Variants in KCNAB1 observed in about 807,000 individuals in gnomAD.
KCNAB1 encodes the protein voltage-gated potassium channel subunit beta-1.
Under a neutral mutation model 64.6 loss-of-function variants are expected in KCNAB1, and 35 were observed. The ratio of observed to expected loss-of-function variants is 0.54; its 90% CI spans 0.41 to 0.72. The LOEUF is 0.72. Ranked by LOEUF, KCNAB1 falls within the 30% of genes least tolerant of loss-of-function variation. KCNAB1 has a pLI of 0.00. For missense variants in KCNAB1, 401 were observed against 512.9 expected (o/e 0.78, Z 2.11); for synonymous variants, 177 against 183.8 (o/e 0.96, Z 0.30).
chr3:156,420,751 C>T lies in KCNAB1; in HGVS notation c.276-865C>T, dbSNP rs189793720. ...CTGTCTCTGAGAATTTGTTTTTTTC[C>T]TCTATGCTAGTCAGAAGACAAAAAT... On this transcript the variant is annotated intron_variant, in intron 1 of 13. Transcript: ENST00000490337. Among the ~76,000 whole-genome samples, 703 of 152,160 alleles carry T rather than the reference C, an allele frequency of 4.6e-3. 9 individuals are homozygous for T. Among genetic ancestry groups the T allele is most frequent in the African/African-American group, 0.015 (630 of 41,504 alleles).
At chr3:156,492,701 A>T (rs1253496974) in intron 8 of KCNAB1, among the ~76,000 whole-genome samples, 1 of 152,114 alleles carries the variant, frequency 6.6e-6, no homozygotes, top group African/African-American at 2.4e-5. Context: ...ACAAAATATG[A>T]ACTTAACCCA....
intron 8 of KCNAB1, among the ~76,000 whole-genome samples, chr3:156,488,548 G>A (rs143986514): frequency 4.0e-4 from 61 of 152,246 alleles, no homozygotes; most frequent in African/African-American, 1.4e-3. Context: ...GGGGAAGGTA[G>A]AAGGAGACGA....
intron 1 of KCNAB1, among the ~76,000 whole-genome samples, chr3:156,186,143 A>G (rs558313695): frequency 3.3e-5 from 5 of 152,270 alleles, no homozygotes; most frequent in East Asian, 1.9e-4. Context: ...ATTCAAACGG[A>G]TGGTCCTTTT....
rs150458531 is a variant in KCNAB1, at chr3:156,528,039, T to C, written c.1082-3370T>C. Among the ~76,000 whole-genome samples, 593 of 152,266 alleles carry C rather than the reference T, an allele frequency of 3.9e-3. 2 individuals carry two copies. The highest frequency in any genetic ancestry group is 0.013 in the African/African-American group (557 of 41,548). On this transcript the variant is annotated intron_variant, in intron 12 of 13. Transcript: ENST00000490337. ...GTTCTCCTGTGCCCTACAGGCCCAT[T>C]AGGGGAATCAGCTGTTGGTGACCTC...
intron 1 of KCNAB1, among the ~76,000 whole-genome samples, chr3:156,406,730 A>T (rs1714272567): frequency 2.0e-5 from 3 of 152,164 alleles, no homozygotes; most frequent in African/African-American, 7.2e-5. Context: ...AAGAGAAAAG[A>T]GATAGAACCT....
At chr3:156,380,216 G>A (rs1712046885) in intron 1 of KCNAB1, among the ~76,000 whole-genome samples, 1 of 152,200 alleles carries the variant, frequency 6.6e-6, no homozygotes, top group South Asian at 2.1e-4. Flanking sequence ...TTGCCAGGAA[G>A]AGAGCAGAAA....
chr3:156,354,120 G>GTGTGTATA (rs372765461), intron 1 of KCNAB1, among the ~76,000 whole-genome samples: 10 of 132,558 alleles, frequency 7.5e-5, no homozygotes, highest in East Asian at 6.3e-4. Flanking sequence ...ATGTGTGTGT[G>GTGTGTATA]TATATATATA....
At chr3:156,474,961 T>C in intron 8 of KCNAB1, 141 bp downstream of exon 8, 1 of 672,454 alleles carries the variant, frequency 1.5e-6, no homozygotes, top group East Asian at 2.9e-5. Context: ...TGATGCCTTT[T>C]GGCCTCAGCG....
intron 1 of KCNAB1, among the ~76,000 whole-genome samples, chr3:156,126,671 A>G (rs1713673987): frequency 6.6e-6 from 1 of 152,202 alleles, no homozygotes; most frequent in African/African-American, 2.4e-5. Flanking sequence ...CTTGCCTGCG[A>G]GAAGCAGTTG....
chr3:156,406,515 C>G (rs1714258993), intron 1 of KCNAB1, among the ~76,000 whole-genome samples: 1 of 152,088 alleles, frequency 6.6e-6, no homozygotes, highest in Non-Finnish European at 1.5e-5. Context: ...GATTTTGGAG[C>G]TGGATCTTGA....
chr3:156,353,722 T>A (rs1221482868), intron 1 of KCNAB1, among the ~76,000 whole-genome samples: 1 of 152,170 alleles, frequency 6.6e-6, no homozygotes, highest in Non-Finnish European at 1.5e-5. Flanking sequence ...CATGGGCCTC[T>A]CTAGGGAGCA....
intron 1 of KCNAB1, among the ~76,000 whole-genome samples, chr3:156,376,649 A>G (rs1711697331): frequency 6.6e-6 from 1 of 152,210 alleles, no homozygotes; most frequent in African/African-American, 2.4e-5. Flanking sequence ...AAGGGTAAAA[A>G]AGAGGTAAGC....
chr3:156,228,958 G>A (rs1318176897), intron 1 of KCNAB1, among the ~76,000 whole-genome samples: 1 of 152,148 alleles, frequency 6.6e-6, no homozygotes. Context: ...CAGAGAGAAG[G>A]TGTTGTTCTA....
Position 156,403,523 on chromosome 3 carries a change from C to T in KCNAB1, c.276-18093C>T, listed in dbSNP as rs1399522652. ...GTTCTATTTTCCTTCTGATATAAGG[C>T]TCAATGACACATAGCTATTAATTAG... On this transcript the variant is annotated intron_variant, in intron 1 of 13. Coordinates refer to ENST00000490337, the MANE Select transcript of KCNAB1 (RefSeq NM_172160.3). 2.0e-5 allele frequency among the ~76,000 whole-genome samples: 3 copies of T among 152,296 alleles called. No individual in the cohort carries two copies. The East Asian group carries it at 5.8e-4, about 29-fold the overall frequency.
intron 1 of KCNAB1, among the ~76,000 whole-genome samples, chr3:156,278,010 A>G (rs1279766503): frequency 6.6e-6 from 1 of 152,196 alleles, no homozygotes; most frequent in Non-Finnish European, 1.5e-5. Flanking sequence ...GGCGTCTCCT[A>G]CATTAACTTT....
intron 1 of KCNAB1, among the ~76,000 whole-genome samples, chr3:156,364,298 G>T (rs7624837): frequency 0.016 from 2,403 of 152,338 alleles, 64 homozygotes; most frequent in African/African-American, 0.053. Flanking sequence ...AGGGTAAAGT[G>T]ATTAGTTCTA....
chr3:156,231,401 T>G (rs758853937), intron 1 of KCNAB1, among the ~76,000 whole-genome samples: 33 of 152,136 alleles, frequency 2.2e-4, no homozygotes, highest in Non-Finnish European at 2.9e-4. Flanking sequence ...TATATTTCCT[T>G]GCCATGCCTT....
chr3:156,436,649 C>A (rs971908660), intron 2 of KCNAB1, among the ~76,000 whole-genome samples: 5 of 152,142 alleles, frequency 3.3e-5, no homozygotes, highest in Admixed American at 3.3e-4. Context: ...CTTTGATTTG[C>A]TTTTCTCTAA....
chr3:156,438,907 A>G (rs1444971190), intron 2 of KCNAB1, among the ~76,000 whole-genome samples: 3 of 152,106 alleles, frequency 2.0e-5, no homozygotes, highest in African/African-American at 7.2e-5. Context: ...CCAGCTACTC[A>G]GGAGGCTGAG....
Sources: allele counts gnomAD v4.1 joint callset (sites outside exome capture counted in the v4.1 genomes callset), GRCh38; gene constraint gnomAD v4.1.1; transcripts MANE v1.5; gene names NCBI Gene and HGNC (gene_info 2026-07-23, HGNC 2026-07-21).